Variants in RBFA observed in about 807,000 individuals in gnomAD.
RBFA encodes the protein ribosome binding factor A.
RBFA carries 16 observed loss-of-function variants against 27.9 expected under a neutral mutation model. The ratio of observed to expected loss-of-function variants is 0.57; its 90% CI spans 0.39 to 0.87. The LOEUF (loss-of-function observed/expected upper bound fraction) is 0.87, where lower values mean the gene tolerates loss of function less well. Ranked by LOEUF, RBFA falls within the 40% of genes least tolerant of loss-of-function variation. The pLI is 0.00. For synonymous variants in RBFA, 181 were observed against 181.0 expected (o/e 1.00, Z 0.00); for missense variants, 456 against 432.1 (o/e 1.06, Z -0.49).
rs777898014 is a variant in RBFA, at chr18:80,044,300, CAT to C, written c.650+18_650+19del. ...AATGATTTCAGGTGACGCATGTGGA[CAT>C]ATGTTTTGATTCCCTGGGGTACATT... On this transcript the variant is annotated intron_variant, in intron 6 of 6. Coordinates refer to ENST00000306735, the MANE Select transcript of RBFA (RefSeq NM_024805.3). 66 of 1,609,950 alleles carry C rather than the reference CAT, an allele frequency of 4.1e-5. No homozygotes were observed. Among genetic ancestry groups the C allele is most frequent in the Non-Finnish European group, 5.0e-5 (59 of 1,176,292 alleles).
chr18:80,044,910 C>T (rs2052040393), intron 6 of RBFA, among the ~76,000 whole-genome samples: 1 of 152,354 alleles, frequency 6.6e-6, no homozygotes, highest in African/African-American at 2.4e-5. Flanking sequence ...CTGCCAGAGT[C>T]GGGTTTAACC....
In RBFA at chr18:80,049,417, C is replaced by T. The variant is rs186718637; in HGVS notation, c.*3262C>T. 9.2e-5 allele frequency among the ~76,000 whole-genome samples: 14 copies of T among 152,326 alleles called. No homozygotes were observed. The highest frequency in any genetic ancestry group is 3.4e-4 in the African/African-American group (14 of 41,564). On this transcript the variant is annotated 3_prime_UTR_variant, in exon 7 of 7. Transcript: ENST00000306735. ...GGATGATCCACTCCTGGGGATTTTC[C>T]GCAGCTCTCCAGATGACGTGCACGC...
intron 1 of RBFA, 25 bp downstream of exon 1, chr18:80,034,678 T>A: frequency 1.9e-6 from 3 of 1,605,792 alleles, no homozygotes; most frequent in Non-Finnish European, 2.5e-6. Context: ...GCGGTGTCCC[T>A]GGGCGCGGTA....
chr18:80,034,820 C>T lies in RBFA; in HGVS notation c.158+167C>T, dbSNP rs148645265. 3.4e-4 allele frequency: 239 copies of T among 712,628 alleles called. No individual in the cohort carries two copies. In the African/African-American group the frequency reaches 4.3e-3, roughly 13 times the overall value. 44.1% of individuals were successfully genotyped at this position (712,628 alleles called of 1,614,324 possible). The stretch of plus-strand genomic sequence containing the variant: ...TAGCTCTCACTGTCAGCATTTGCAG[C>T]TTTTGTGTTCGTGGACGTGTGTCGG... On this transcript the variant is annotated intron_variant, in intron 1 of 6. Transcript: ENST00000306735.
chr18:80,034,650 C>T lies in RBFA; in HGVS notation c.155C>T (p.Thr52Ile), dbSNP rs748963247. The T allele has an allele frequency of 6.2e-7, 1 of 1,609,074 alleles. No homozygotes were observed. ...KNWLKKFASKTKKKVWYESPS... is the reference protein window; with the variant it reads ...KNWLKKFASKIKKKVWYESPS... The stretch of plus-strand genomic sequence containing the variant: ...TGGCTCAAGAAATTTGCCTCGAAAA[C>T]CAAGTAATGCGGCGGGGGCGGTGTC... The change falls in exon 1 of 7, where the codon ACC (threonine) becomes ATC (isoleucine). Residue 52 changes from threonine (T) to isoleucine (I), a missense_variant. Physicochemically the swap from Thr to Ile is moderately conservative, Grantham distance 89. Coordinates refer to ENST00000306735, the MANE Select transcript of RBFA (RefSeq NM_024805.3).
Position 80,049,148 on chromosome 18 carries a change from G to A in RBFA, c.*2993G>A, listed in dbSNP as rs1344089961. On this transcript the variant is annotated 3_prime_UTR_variant, in exon 7 of 7. Coordinates refer to ENST00000306735, the MANE Select transcript of RBFA (RefSeq NM_024805.3). The stretch of plus-strand genomic sequence containing the variant: ...GCTTCTGAATGGGTCCACTCCTGGG[G>A]ATTTCCGCGGCCTTCCCTGGGAGCG... 6.6e-6 allele frequency among the ~76,000 whole-genome samples: 1 copy of A among 151,978 alleles called. No individual in the cohort carries two copies. The highest frequency in any genetic ancestry group is 2.4e-5 in the African/African-American group (1 of 41,364).
chr18:80,044,082 C>G (rs1300084220), intron 5 of RBFA, 130 bp from the exon 6 acceptor site: 1 of 777,940 alleles, frequency 1.3e-6, no homozygotes, highest in Non-Finnish European at 2.3e-6. Context: ...TGGGAAGAGT[C>G]GGTGGAAGGA....
Position 80,047,790 on chromosome 18 carries a change from C to T in RBFA, c.*1635C>T, listed in dbSNP as rs912886538. 6.6e-6 allele frequency among the ~76,000 whole-genome samples: 1 copy of T among 152,154 alleles called. No homozygotes were observed. The highest frequency in any genetic ancestry group is 1.5e-5 in the Non-Finnish European group (1 of 68,026). On this transcript the variant is annotated 3_prime_UTR_variant, in exon 7 of 7. Coordinates refer to ENST00000306735, the MANE Select transcript of RBFA (RefSeq NM_024805.3). ...GTTACACCGTGAGCCAAATGTTTAT[C>T]TCTAGGGTTTCTGGTAGCCAGTTGC...
intron 5 of RBFA, among the ~76,000 whole-genome samples, chr18:80,043,762 T>C (rs949893522): frequency 6.6e-6 from 1 of 152,204 alleles, no homozygotes; most frequent in African/African-American, 2.4e-5. Context: ...GCAGTTTTCT[T>C]TTGTAGTTTA....
chr18:80,038,426 C>T (rs912034286), intron 3 of RBFA, 79 bp from the exon 4 acceptor site: 12 of 994,498 alleles, frequency 1.2e-5, no homozygotes, highest in East Asian at 1.0e-4. Context: ...CTGCAGCTGT[C>T]GTTTTCATCT....
rs765671980 is a variant in RBFA at position 80,045,928 on chromosome 18, G to C, written c.805G>C (p.Ala269Pro). The C allele has an allele frequency of 6.2e-7, 1 of 1,613,908 alleles. No individual in the cohort carries two copies. Among genetic ancestry groups the C allele is most frequent in the Non-Finnish European group, 8.5e-7 (1 of 1,179,876 alleles). The change falls in exon 7 of 7, where the codon GCT becomes CCT. Residue 269 changes from alanine (A) to proline (P), a missense_variant. Transcript: ENST00000306735. ...GGGCCTGGTGTGGCAGGGGCAGGTG[G>C]CTGAGCTGACAACGCAGATGAAAAA... The part of the protein sequence containing the change: ...LGGLVWQGQV[A>P]ELTTQMKKGR...
Position 80,044,285 on chromosome 18 carries a change from G to C in RBFA, c.650G>C (p.Arg217Thr). The change falls in exon 6 of 7, where the codon AGG becomes ACG. Residue 217 changes from arginine (R) to threonine (T), a missense_variant and splice_region_variant. Arg to Thr is a moderately conservative substitution (Grantham distance 71). Transcript: ENST00000306735. The part of the protein sequence containing the change: ...ERDNFVQNDF[R>T]DPDAPQPCGT... ...GACAACTTTGTACAAAATGATTTCA[G>C]GTGACGCATGTGGACATATGTTTTG... 6.2e-7 allele frequency: 1 copy of C among 1,613,558 alleles called. No individual in the cohort carries two copies. The highest frequency in any genetic ancestry group is 8.5e-7 in the Non-Finnish European group (1 of 1,179,414).
intron 1 of RBFA, 137 bp from the exon 2 acceptor site, chr18:80,036,531 A>T (rs778198324): frequency 5.2e-5 from 26 of 499,324 alleles, no homozygotes; most frequent in Middle Eastern, 4.3e-4. Flanking sequence ...AAATTCTGAA[A>T]TTTTTTAAGA....
Position 80,046,249 on chromosome 18 carries a change from C to T in RBFA, c.*94C>T. 1.5e-6 allele frequency: 2 copies of T among 1,355,806 alleles called. No individual in the cohort carries two copies. The highest frequency in any genetic ancestry group is 2.9e-5 in the South Asian group (2 of 67,930). 84.0% of individuals were successfully genotyped at this position (1,355,806 alleles called of 1,614,324 possible). ...ATTGAGGCAGTTGATGGAGTTAAACCATCTGCTCTTCTGCTACTTCAACAT... is the reference window on the plus strand; with the variant it reads ...ATTGAGGCAGTTGATGGAGTTAAACTATCTGCTCTTCTGCTACTTCAACAT... On this transcript the variant is annotated 3_prime_UTR_variant, in exon 7 of 7. Coordinates refer to ENST00000306735, the MANE Select transcript of RBFA (RefSeq NM_024805.3).
intron 4 of RBFA, 72 bp from the exon 5 acceptor site, chr18:80,042,063 G>A (rs2145147145): frequency 8.6e-7 from 1 of 1,163,272 alleles, no homozygotes; most frequent in Non-Finnish European, 1.2e-6. Context: ...TGAATCATAT[G>A]TTCAGCACTG....
intron 5 of RBFA, among the ~76,000 whole-genome samples, 183 bp downstream of exon 5, chr18:80,042,402 T>G (rs2052022599): frequency 6.6e-6 from 1 of 152,162 alleles, no homozygotes; most frequent in Non-Finnish European, 1.5e-5. Flanking sequence ...ATAATTAACT[T>G]TTTATAACAT....
At position 80,045,973 on chromosome 18, in the gene RBFA, C is replaced by T; in HGVS notation, c.850C>T (p.Pro284Ser). ...GAAAAAGGGAAGGAAGAGGGCCAAGCCCCGCCTGGAGCAGGACAGCTCCCT... is the reference window on the plus strand; with the variant it reads ...GAAAAAGGGAAGGAAGAGGGCCAAGTCCCGCCTGGAGCAGGACAGCTCCCT... ...QMKKGRKRAK[P>S]RLEQDSSLKS... Residue 284 changes from proline (P) to serine (S), a missense_variant, in exon 7 of 7, where the codon CCC (proline) becomes TCC (serine). Pro to Ser is a moderately conservative substitution (Grantham distance 74). Coordinates refer to ENST00000306735, the MANE Select transcript of RBFA (RefSeq NM_024805.3). 6.2e-7 allele frequency: 1 copy of T among 1,614,104 alleles called. No homozygotes were observed. The highest frequency in any genetic ancestry group is 8.5e-7 in the Non-Finnish European group (1 of 1,180,006).
At position 80,047,692 on chromosome 18, in the gene RBFA, G is replaced by A. The variant is rs1416472014; in HGVS notation, c.*1537G>A. On this transcript the variant is annotated 3_prime_UTR_variant, in exon 7 of 7. Transcript: ENST00000306735. ...AAAACCCCACATGATGGTATGAGTA[G>A]GAGAGAGAAAAAAAAAAGGGAGCCA... Among the ~76,000 whole-genome samples, 11 of 140,468 alleles carry A rather than the reference G, an allele frequency of 7.8e-5. No homozygotes were observed. Among genetic ancestry groups the A allele is most frequent in the Non-Finnish European group, 1.8e-4 (11 of 61,138 alleles). 92.2% of individuals were successfully genotyped at this position (140,468 alleles called of 152,430 possible).
chr18:80,044,323 A>AC (rs1221967162), intron 6 of RBFA, 38 bp downstream of exon 6: 2 of 1,544,170 alleles, frequency 1.3e-6, no homozygotes, highest in Admixed American at 3.3e-5. Flanking sequence ...TCCCTGGGGT[A>AC]CATTCCTGGG....
Sources: allele counts gnomAD v4.1 joint callset (sites outside exome capture counted in the v4.1 genomes callset), GRCh38; gene constraint gnomAD v4.1.1; transcripts MANE v1.5; gene names NCBI Gene and HGNC (gene_info 2026-07-23, HGNC 2026-07-21).